The following CHST12 variants were observed in gnomAD, a reference collection of about 807,000 sequenced individuals.
The protein encoded by CHST12 is carbohydrate (chondroitin 4) sulfotransferase 12.
A neutral mutation model predicts 27.9 loss-of-function variants in CHST12; 23 were observed. The observed-to-expected ratio is 0.82, with a 90% CI of 0.59 to 1.17. The LOEUF is 1.17. Among genes scored for constraint, CHST12 ranks in the 50% most tolerant of loss-of-function variants. CHST12 has a pLI of 0.00. For missense variants in CHST12, 682 were observed against 603.0 expected (o/e 1.13, Z -1.37); for synonymous variants, 322 against 273.0 (o/e 1.18, Z -1.77).
rs542707236 is a variant in CHST12, at chr7:2,443,261, C to T, written c.*9377C>T. On this transcript the variant is annotated 3_prime_UTR_variant, in exon 2 of 2. Transcript: ENST00000618655. ...GAATTATAGGCGTGTGCCACCATGCCCAGCTAATTTTTGTATTTTTAGTAG... is the reference window on the plus strand; with the variant it reads ...GAATTATAGGCGTGTGCCACCATGCTCAGCTAATTTTTGTATTTTTAGTAG... 1 of 152,266 alleles carries T rather than the reference C, an allele frequency of 6.6e-6. No homozygotes were observed. The highest frequency in any genetic ancestry group is 1.9e-4 in the East Asian group (1 of 5,186). The allele number at this position is 152,266 out of a possible 1,614,324, so 9.4% of individuals were successfully genotyped here.
chr7:2,434,295 C>A lies in CHST12; in HGVS notation c.*411C>A, dbSNP rs1782411719. 5.7e-6 allele frequency: 1 copy of A among 176,250 alleles called. No individual in the cohort carries two copies. Among genetic ancestry groups the A allele is most frequent in the Non-Finnish European group, 1.4e-5 (1 of 73,850 alleles). The allele number at this position is 176,250 out of a possible 1,614,324, so 10.9% of individuals were successfully genotyped here. ...TTTTTGGAAGGGTAGCCGACAAATCCTTCCAGAGGGAAAGTTCTTTGTTTA... is the reference window on the plus strand; with the variant it reads ...TTTTTGGAAGGGTAGCCGACAAATCATTCCAGAGGGAAAGTTCTTTGTTTA... On this transcript the variant is annotated 3_prime_UTR_variant, in exon 2 of 2. Coordinates refer to ENST00000618655, the MANE Select transcript of CHST12 (RefSeq NM_018641.5).
At chr7:2,405,891 C>CA (rs1781512364) in intron 1 of CHST12, among the ~76,000 whole-genome samples, 1 of 152,126 alleles carries the variant, frequency 6.6e-6, no homozygotes, top group African/African-American at 2.4e-5. Flanking sequence ...ACAGCCTGTA[C>CA]AAGGAGGGAA....
chr7:2,406,356 G>A (rs1217697506), intron 1 of CHST12, among the ~76,000 whole-genome samples: 2 of 144,324 alleles, frequency 1.4e-5, no homozygotes, highest in African/African-American at 5.1e-5. Context: ...GACAGGTACA[G>A]TTGAGTACGG....
intron 1 of CHST12, among the ~76,000 whole-genome samples, chr7:2,405,957 G>C (rs1284039472): frequency 6.6e-6 from 1 of 152,116 alleles, no homozygotes; most frequent in Non-Finnish European, 1.5e-5. Context: ...CCGTTGGTTG[G>C]CTGACCTTGG....
rs949216738 is a variant in CHST12, at chr7:2,440,255, A to T, written c.*6371A>T. On this transcript the variant is annotated 3_prime_UTR_variant, in exon 2 of 2. Transcript: ENST00000618655. ...TCTGTTGGTTGACTTTGACAGTGAT[A>T]AACGAACACAGCCTATCTGGGTGTT... 2 of 154,368 alleles carry T rather than the reference A, an allele frequency of 1.3e-5. No homozygotes were observed. Among genetic ancestry groups the T allele is most frequent in the African/African-American group, 4.8e-5 (2 of 41,518 alleles). The allele number at this position is 154,368 out of a possible 1,614,324, so 9.6% of individuals were successfully genotyped here.
At chr7:2,415,073 A>C (rs1781769112) in intron 1 of CHST12, among the ~76,000 whole-genome samples, 1 of 152,178 alleles carries the variant, frequency 6.6e-6, no homozygotes, top group Non-Finnish European at 1.5e-5. Flanking sequence ...GTGCATATAA[A>C]AGTTATATTT....
chr7:2,420,025 G>A (rs1003520510), intron 1 of CHST12, among the ~76,000 whole-genome samples: 3 of 142,550 alleles, frequency 2.1e-5, no homozygotes, highest in African/African-American at 8.0e-5. Context: ...CCAGGCTGGA[G>A]TGCAGTGGCA....
At position 2,444,772 on chromosome 7, in the gene CHST12, C is replaced by T. The variant is rs1240446752; in HGVS notation, c.*10888C>T. The T allele has an allele frequency of 2.0e-5, 3 of 152,352 alleles. No homozygotes were observed. Among genetic ancestry groups the T allele is most frequent in the South Asian group, 2.1e-4 (1 of 4,826 alleles). 9.4% of individuals were successfully genotyped at this position (152,352 alleles called of 1,614,324 possible). A position where few individuals can be genotyped will look rare whatever the true frequency, so the allele number is the denominator to read the frequency against. On this transcript the variant is annotated 3_prime_UTR_variant, in exon 2 of 2. Coordinates refer to ENST00000618655, the MANE Select transcript of CHST12 (RefSeq NM_018641.5). ...CTACAAGGCAAAAATCCCCTACTCC[C>T]CCTGGGCTCCTTCACAGTTTGTGTG...
At chr7:2,416,873 ACATACGCCTT>A (rs1230836516) in intron 1 of CHST12, among the ~76,000 whole-genome samples, 1 of 152,138 alleles carries the variant, frequency 6.6e-6, no homozygotes, top group Non-Finnish European at 1.5e-5. Context: ...GGGCAGAGTC[ACATACGCCTT>A]CTCCGCACAG....
intron 1 of CHST12, among the ~76,000 whole-genome samples, chr7:2,424,173 G>C (rs534044923): frequency 6.6e-6 from 1 of 152,312 alleles, no homozygotes; most frequent in Admixed American, 6.5e-5. Context: ...GGGCAACATA[G>C]GGAGATCCTG....
At chr7:2,404,367 A>G (rs1333199085) in intron 1 of CHST12, among the ~76,000 whole-genome samples, 1 of 151,870 alleles carries the variant, frequency 6.6e-6, no homozygotes, top group Non-Finnish European at 1.5e-5. Flanking sequence ...TGGCTCGGGC[A>G]GAGGCTCCGT....
intron 1 of CHST12, among the ~76,000 whole-genome samples, chr7:2,410,923 T>C (rs1411880370): frequency 1.3e-5 from 2 of 151,902 alleles, no homozygotes; most frequent in Non-Finnish European, 2.9e-5. Context: ...TGTGTGGGCC[T>C]GAGAGCAGAA....
In CHST12 at chr7:2,438,931, G is replaced by A. The variant is rs1340991691; in HGVS notation, c.*5047G>A. 6.6e-6 allele frequency: 1 copy of A among 152,318 alleles called. No individual in the cohort carries two copies. The highest frequency in any genetic ancestry group is 2.4e-5 in the African/African-American group (1 of 41,458). The allele number at this position is 152,318 out of a possible 1,614,324, so 9.4% of individuals were successfully genotyped here. ...CCTCTGGGAAGAGGTTCTGGCAGGT[G>A]GAGGGGATGGACGTTACAGTGCTGT... On this transcript the variant is annotated 3_prime_UTR_variant, in exon 2 of 2. Transcript: ENST00000618655.
At chr7:2,418,393 T>C (rs1781866247) in intron 1 of CHST12, among the ~76,000 whole-genome samples, 1 of 152,230 alleles carries the variant, frequency 6.6e-6, no homozygotes, top group Admixed American at 6.5e-5. Flanking sequence ...ATGATGCTTC[T>C]AGGTGAAACT....
chr7:2,403,455 CG>C (rs1781434112), upstream of CHST12: 1 of 131,648 alleles, frequency 7.6e-6, no homozygotes, highest in Non-Finnish European at 1.7e-5. Context: ...AGGGCGGGGG[CG>C]GGCGGGCTGG....
Position 2,438,974 on chromosome 7 carries a change from G to A in CHST12, c.*5090G>A, listed in dbSNP as rs146817114. 2,655 of 152,352 alleles carry A rather than the reference G, an allele frequency of 0.017. 30 individuals are homozygous for A. The highest frequency in any genetic ancestry group is 0.027 in the Non-Finnish European group (1,834 of 68,070). The allele number at this position is 152,352 out of a possible 1,614,324, so 9.4% of individuals were successfully genotyped here. A position where few individuals can be genotyped will look rare whatever the true frequency, so the allele number is the denominator to read the frequency against. On this transcript the variant is annotated 3_prime_UTR_variant, in exon 2 of 2. Coordinates refer to ENST00000618655, the MANE Select transcript of CHST12 (RefSeq NM_018641.5). ...AGTGCTGTGGCCACCTAGAAAAGCC[G>A]TCCCGGAACTGAGACCAACTGCTGA...
chr7:2,428,771 T>C (rs1782198939), intron 1 of CHST12, among the ~76,000 whole-genome samples: 1 of 152,154 alleles, frequency 6.6e-6, no homozygotes, highest in African/African-American at 2.4e-5. Context: ...TTCCATAACC[T>C]ATGATTAGCA....
At chr7:2,409,883 G>A (rs1781618937) in intron 1 of CHST12, among the ~76,000 whole-genome samples, 1 of 152,060 alleles carries the variant, frequency 6.6e-6, no homozygotes, top group Non-Finnish European at 1.5e-5. Flanking sequence ...TTTCCTCTTG[G>A]TTATTGTCAT....
At chr7:2,404,317 C>T (rs1279732011) in intron 1 of CHST12, 1 of 151,772 alleles carries the variant, frequency 6.6e-6, no homozygotes, top group Non-Finnish European at 1.5e-5. Flanking sequence ...TAGACCTCCT[C>T]TGCGGGCTCC....
Sources: gnomAD v4.1 joint callset for allele counts (sites outside exome capture counted in the v4.1 genomes callset) on GRCh38, gnomAD v4.1.1 for gene constraint, MANE v1.5 for transcripts, NCBI Gene and HGNC (gene_info 2026-07-23, HGNC 2026-07-21) for gene names.